The following IL1RAPL2 variants were observed in gnomAD, a reference collection of about 807,000 sequenced individuals.
The protein encoded by IL1RAPL2 is interleukin 1 receptor accessory protein like 2.
Under a neutral mutation model 44.1 loss-of-function variants are expected in IL1RAPL2, and 3 were observed. The observed-to-expected ratio is 0.07, with a 90% CI of 0.03 to 0.18. The LOEUF is 0.18. Among genes scored for constraint, IL1RAPL2 ranks in the 10% least tolerant of loss-of-function variants. The pLI is 1.00. For synonymous variants in IL1RAPL2, 181 were observed against 178.8 expected (o/e 1.01, Z -0.10); for missense variants, 391 against 496.4 (o/e 0.79, Z 2.02).
intron 2 of IL1RAPL2, among the ~76,000 whole-genome samples, chrX:105,124,517 A>G (rs2032956359): frequency 9.2e-6 from 1 of 109,228 alleles, no homozygotes; most frequent in Non-Finnish European, 1.9e-5. Flanking sequence ...TTTTTATTTT[A>G]TTTTTCCATC....
intron 2 of IL1RAPL2, among the ~76,000 whole-genome samples, chrX:104,839,128 C>T (rs764875833): frequency 1.2e-4 from 13 of 110,147 alleles, no homozygotes; most frequent in African/African-American, 4.3e-4. Flanking sequence ...GGATTACAAG[C>T]ATGAGCCACT....
intron 2 of IL1RAPL2, among the ~76,000 whole-genome samples, chrX:105,020,520 T>C (rs759935548): frequency 1.1e-4 from 12 of 111,981 alleles, no homozygotes; most frequent in Admixed American, 4.7e-4. Flanking sequence ...GTCTAGCATC[T>C]GTAAAGTGAG....
intron 3 of IL1RAPL2, among the ~76,000 whole-genome samples, chrX:105,204,065 G>A (rs1270062210): frequency 1.8e-5 from 2 of 111,596 alleles, no homozygotes; most frequent in African/African-American, 6.5e-5. Flanking sequence ...CCTAGAGAGC[G>A]ATGGTATAGT....
At chrX:104,869,053 T>C (rs1922690597) in intron 2 of IL1RAPL2, among the ~76,000 whole-genome samples, 1 of 111,984 alleles carries the variant, frequency 8.9e-6, no homozygotes, top group Admixed American at 9.5e-5. Context: ...AATGTCAACT[T>C]TTCTTGGGCC....
chrX:104,590,035 G>T (rs186800110), intron 1 of IL1RAPL2, among the ~76,000 whole-genome samples: 1 of 111,126 alleles, frequency 9.0e-6, no homozygotes, highest in Admixed American at 9.6e-5. Context: ...AGCCTAAGTT[G>T]GGTTTTTTGT....
intron 2 of IL1RAPL2, among the ~76,000 whole-genome samples, chrX:104,730,822 A>C (rs1474562859): frequency 1.8e-5 from 2 of 110,508 alleles, no homozygotes; most frequent in Non-Finnish European, 3.8e-5. Flanking sequence ...TGGTTGAACT[A>C]GTTTACAGTC....
At chrX:105,329,567 T>C (rs1422181670) in intron 5 of IL1RAPL2, among the ~76,000 whole-genome samples, 2 of 111,961 alleles carry the variant, frequency 1.8e-5, no homozygotes, top group Non-Finnish European at 3.8e-5. Context: ...TAAGAACAAT[T>C]GGCTATGAAC....
At chrX:104,948,886 G>A (rs1297727837) in intron 2 of IL1RAPL2, among the ~76,000 whole-genome samples, 6 of 109,611 alleles carry the variant, frequency 5.5e-5, no homozygotes, top group East Asian at 2.9e-4. Context: ...TCTCTTTTTT[G>A]GTTGTGTCTC....
intron 3 of IL1RAPL2, among the ~76,000 whole-genome samples, chrX:105,200,102 C>T (rs2033704275): frequency 9.0e-6 from 1 of 111,589 alleles, no homozygotes; most frequent in South Asian, 3.8e-4. Context: ...TTGACAATGT[C>T]AGTATTCACC....
intron 8 of IL1RAPL2, among the ~76,000 whole-genome samples, chrX:105,747,490 G>C (rs1317928073): frequency 9.6e-5 from 6 of 62,657 alleles, no homozygotes; most frequent in African/African-American, 3.8e-4. Context: ...CTGTGTGTGT[G>C]TATGTGTGTG....
At chrX:104,899,125 G>T (rs1025898842) in intron 2 of IL1RAPL2, among the ~76,000 whole-genome samples, 1 of 111,322 alleles carries the variant, frequency 9.0e-6, no homozygotes, top group South Asian at 3.8e-4. Context: ...ATTTGCAATC[G>T]GCCTATTATA....
chrX:104,639,872 C>T (rs1929899642), intron 1 of IL1RAPL2, among the ~76,000 whole-genome samples: 1 of 111,700 alleles, frequency 9.0e-6, no homozygotes, highest in South Asian at 3.7e-4. Context: ...GGGGAATTTT[C>T]TTATAAATGA....
intron 2 of IL1RAPL2, among the ~76,000 whole-genome samples, chrX:104,931,759 G>A (rs961154094): frequency 9.0e-6 from 1 of 110,685 alleles, no homozygotes; most frequent in Non-Finnish European, 1.9e-5. Flanking sequence ...ATTATTGGTA[G>A]AACTTTATTA....
chrX:104,637,832 C>G (rs5916814), intron 1 of IL1RAPL2, among the ~76,000 whole-genome samples: 39,227 of 103,829 alleles, frequency 0.38, 5,804 homozygotes, highest in East Asian at 0.55. Flanking sequence ...GTCTGTGTGT[C>G]TGTGTGTGTG....
At position 104,993,449 on chromosome X, in the gene IL1RAPL2, T is replaced by TAATC. The variant is rs1250015797; in HGVS notation, c.83-202021_83-202018dup. On this transcript the variant is annotated intron_variant, in intron 2 of 10. Transcript: ENST00000372582. ...AGTTTGAAGAGTAAAGGCAAACAGC[T>TAATC]AATCAATCTTTGGTTGTGCACTATT... 2.7e-5 allele frequency among the ~76,000 whole-genome samples: 3 copies of TAATC among 111,945 alleles called. No homozygotes were observed. The Admixed American group carries it at 2.8e-4, about 11-fold the overall frequency.
At chrX:105,190,046 T>G (rs2033620743) in intron 2 of IL1RAPL2, among the ~76,000 whole-genome samples, 1 of 112,293 alleles carries the variant, frequency 8.9e-6, no homozygotes, top group African/African-American at 3.2e-5. Flanking sequence ...CTTTCTTTTT[T>G]TCTTATCAGT....
intron 2 of IL1RAPL2, among the ~76,000 whole-genome samples, chrX:105,006,447 A>T (rs1039415277): frequency 2.7e-5 from 3 of 110,958 alleles, no homozygotes; most frequent in Non-Finnish European, 5.7e-5. Context: ...AGAAGAAAAA[A>T]TAATACTGGA....
At chrX:105,308,331 A>G (rs1366627119) in intron 5 of IL1RAPL2, among the ~76,000 whole-genome samples, 2 of 112,439 alleles carry the variant, frequency 1.8e-5, no homozygotes, top group Non-Finnish European at 3.8e-5. Flanking sequence ...GTAGAATTCA[A>G]TATGTGTTTA....
intron 1 of IL1RAPL2, among the ~76,000 whole-genome samples, chrX:104,609,524 A>AT (rs1929100181): frequency 8.9e-6 from 1 of 111,961 alleles, no homozygotes; most frequent in Non-Finnish European, 1.9e-5. Flanking sequence ...ATAGTCCCAT[A>AT]TTTTTTGGAT....
Sources: allele counts gnomAD v4.1 joint callset (sites outside exome capture counted in the v4.1 genomes callset), GRCh38; gene constraint gnomAD v4.1.1; transcripts MANE v1.5; gene names NCBI Gene and HGNC (gene_info 2026-07-23, HGNC 2026-07-21).